The following ACSS2 variants were observed in gnomAD, a reference collection of about 807,000 sequenced individuals.
ACSS2 encodes the protein acyl-CoA synthetase short chain family member 2.
A neutral mutation model predicts 90.6 loss-of-function variants in ACSS2; 58 were observed. That is an observed-to-expected ratio of 0.64 (90% CI 0.52 to 0.80). The LOEUF (loss-of-function observed/expected upper bound fraction) is 0.80, where lower values mean the gene tolerates loss of function less well. ACSS2 is among the 30% of genes least tolerant of loss of function. ACSS2 has a pLI of 0.00. For synonymous variants in ACSS2, 300 were observed against 330.9 expected (o/e 0.91, Z 1.01); for missense variants, 759 against 912.0 (o/e 0.83, Z 2.16).
intron 2 of ACSS2, among the ~76,000 whole-genome samples, chr20:34,906,664 T>A (rs2080813940): frequency 6.6e-6 from 1 of 152,120 alleles, no homozygotes; most frequent in Non-Finnish European, 1.5e-5. Context: ...GTGCTAGGGA[T>A]GTAGCAGTGA....
intron 2 of ACSS2, among the ~76,000 whole-genome samples, chr20:34,886,542 T>C (rs1453066309): frequency 1.3e-5 from 2 of 152,130 alleles, no homozygotes; most frequent in African/African-American, 4.8e-5. Context: ...AAGAATCGCG[T>C]GAACCTGGGA....
At position 34,914,115 on chromosome 20, in the gene ACSS2, A is replaced by G. The variant is rs751285866; in HGVS notation, c.663A>G (p.Glu221=). 3 of 1,614,162 alleles carry G rather than the reference A, an allele frequency of 1.9e-6. No homozygotes were observed. Among genetic ancestry groups the G allele is most frequent in the Admixed American group, 3.3e-5 (2 of 60,016 alleles). The change falls in exon 6 of 18, where the codon GAA becomes GAG. Residue 221 remains glutamate (E), a synonymous_variant. Coordinates refer to ENST00000360596, the MANE Select transcript of ACSS2 (RefSeq NM_018677.4). ...LITTDAFYRG[E]KLVNLKELAD... ...CCAAAGATGCCTTCTACAGGGGGGA[A>G]AAGCTTGTGAACCTGAAGGAGCTGG...
At chr20:34,910,039 T>TTA (rs398035619) in intron 2 of ACSS2, among the ~76,000 whole-genome samples, 5 of 150,810 alleles carry the variant, frequency 3.3e-5, no homozygotes, top group African/African-American at 9.7e-5. Flanking sequence ...TTTTTTTTTT[T>TTA]AAACAGAGTT....
chr20:34,909,787 G>A (rs556187199), intron 2 of ACSS2, among the ~76,000 whole-genome samples: 26 of 150,250 alleles, frequency 1.7e-4, no homozygotes, highest in East Asian at 5.8e-4. Flanking sequence ...TGTGATCGCC[G>A]CTCGCTGTAG....
chr20:34,884,065 C>A (rs1042419084), intron 2 of ACSS2, among the ~76,000 whole-genome samples: 4 of 152,186 alleles, frequency 2.6e-5, no homozygotes, highest in African/African-American at 9.6e-5. Context: ...GCCACCTCAG[C>A]CTCCTGAGTA....
At chr20:34,924,051 T>C (rs1270556615) in intron 14 of ACSS2, among the ~76,000 whole-genome samples, 1 of 152,142 alleles carries the variant, frequency 6.6e-6, no homozygotes, top group Non-Finnish European at 1.5e-5. Context: ...AATGGTGCCA[T>C]CCGAACTTTG....
At chr20:34,880,199 A>G (rs938941215) in intron 1 of ACSS2, among the ~76,000 whole-genome samples, 1 of 151,962 alleles carries the variant, frequency 6.6e-6, no homozygotes, top group Non-Finnish European at 1.5e-5. Context: ...CTTTGTGATT[A>G]TTTTCTTGAA....
intron 9 of ACSS2, 98 bp downstream of exon 9, chr20:34,920,807 A>G: frequency 6.7e-7 from 1 of 1,481,752 alleles, no homozygotes; most frequent in Admixed American, 2.0e-5. Flanking sequence ...GGGGACTTAT[A>G]CAATCATCTG....
intron 1 of ACSS2, among the ~76,000 whole-genome samples, chr20:34,878,093 C>G (rs1164602406): frequency 1.3e-5 from 2 of 152,250 alleles, no homozygotes; most frequent in Admixed American, 1.3e-4. Flanking sequence ...GCCATGACAC[C>G]CAGCTACTTT....
intron 1 of ACSS2, among the ~76,000 whole-genome samples, chr20:34,878,180 C>T (rs1272861285): frequency 1.3e-5 from 2 of 152,188 alleles, no homozygotes; most frequent in Non-Finnish European, 2.9e-5. Context: ...GGCTTTCCTC[C>T]TTACTTGGCC....
intron 2 of ACSS2, among the ~76,000 whole-genome samples, chr20:34,896,417 G>C (rs2080462204): frequency 6.6e-6 from 1 of 152,134 alleles, no homozygotes; most frequent in Non-Finnish European, 1.5e-5. Flanking sequence ...TTCCACTCTT[G>C]TCTTTCCTCT....
chr20:34,890,936 G>T (rs1306765114), intron 2 of ACSS2, among the ~76,000 whole-genome samples: 1 of 134,946 alleles, frequency 7.4e-6, no homozygotes, highest in African/African-American at 2.7e-5. Context: ...GTGTGTGTGT[G>T]TATTTGAGGC....
intron 2 of ACSS2, among the ~76,000 whole-genome samples, chr20:34,906,112 G>C (rs2080795510): frequency 6.6e-6 from 1 of 152,166 alleles, no homozygotes; most frequent in African/African-American, 2.4e-5. Context: ...GAGGCGGGTG[G>C]ATCACAAGGT....
At chr20:34,924,658 C>T (rs1408938260) in intron 14 of ACSS2, among the ~76,000 whole-genome samples, 1 of 151,618 alleles carries the variant, frequency 6.6e-6, no homozygotes. Context: ...GAATTTTATT[C>T]AAAGTACAGT....
chr20:34,916,116 C>T (rs1259163960), intron 7 of ACSS2, among the ~76,000 whole-genome samples: 2 of 152,200 alleles, frequency 1.3e-5, no homozygotes, highest in African/African-American at 2.4e-5. Context: ...AGCCCCTTTT[C>T]TCTATTCTCA....
intron 4 of ACSS2, 56 bp from the exon 5 acceptor site, chr20:34,913,697 A>C: frequency 1.3e-6 from 2 of 1,535,756 alleles, no homozygotes; most frequent in Non-Finnish European, 1.8e-6. Context: ...CCCTTTCTTC[A>C]TTCACTCAAT....
intron 2 of ACSS2, among the ~76,000 whole-genome samples, chr20:34,898,242 CTG>C (rs1479161769): frequency 2.0e-5 from 3 of 152,288 alleles, no homozygotes; most frequent in African/African-American, 7.2e-5. Context: ...CCACTGCTGG[CTG>C]GGGCAGCCTG....
chr20:34,908,937 C>T (rs1339360025), intron 2 of ACSS2: 2 of 445,180 alleles, frequency 4.5e-6, no homozygotes, highest in Non-Finnish European at 9.0e-6. Flanking sequence ...TACAGATATA[C>T]TTGCAGGTGA....
chr20:34,918,178 A>G (rs976268888), intron 7 of ACSS2, among the ~76,000 whole-genome samples: 1 of 152,222 alleles, frequency 6.6e-6, no homozygotes, highest in African/African-American at 2.4e-5. Flanking sequence ...CTTGATGTTT[A>G]CTAGATAATA....
Sources: gnomAD v4.1 joint callset for allele counts (sites outside exome capture counted in the v4.1 genomes callset) on GRCh38, gnomAD v4.1.1 for gene constraint, MANE v1.5 for transcripts, NCBI Gene and HGNC (gene_info 2026-07-23, HGNC 2026-07-21) for gene names.